RB1: variants seen among roughly 807,000 people sequenced by gnomAD.
The protein encoded by RB1 is RB transcriptional corepressor 1, also known as retinoblastoma-associated protein.
A neutral mutation model predicts 135.4 loss-of-function variants in RB1; 18 were observed. The observed-to-expected ratio is 0.13, with a 90% confidence interval of 0.09 to 0.20. The LOEUF (loss-of-function observed/expected upper bound fraction) is 0.20, where lower values mean the gene tolerates loss of function less well. Ranked by LOEUF, RB1 falls within the 10% of genes least tolerant of loss-of-function variation. The pLI is 1.00. For missense variants in RB1, 868 were observed against 1,110.0 expected, an observed-to-expected ratio of 0.78 and a Z score of 3.10; for synonymous variants, 365 against 373.2, an observed-to-expected ratio of 0.98 and a Z score of 0.25.
intron 17 of RB1, among the ~76,000 whole-genome samples, chr13:48,425,298 A>C (rs1949063829): frequency 6.6e-6 from 1 of 152,222 alleles, no homozygotes; most frequent in Non-Finnish European, 1.5e-5. Context: ...TTTCTCATCC[A>C]AAAACACAGA....
chr13:48,377,104 G>T, intron 13 of RB1, 70 bp downstream of exon 13: 1 of 1,436,884 alleles, frequency 7.0e-7, no homozygotes, highest in Non-Finnish European at 9.8e-7. Flanking sequence ...TTTCCAGTTC[G>T]TATAAATACT....
intron 17 of RB1, among the ~76,000 whole-genome samples, chr13:48,415,192 T>C (rs991842587): frequency 2.6e-5 from 4 of 152,184 alleles, no homozygotes; most frequent in African/African-American, 9.6e-5. Context: ...TTAATTCTAC[T>C]TGGAATATTT....
chr13:48,329,166 T>A (rs1330476139), intron 2 of RB1, among the ~76,000 whole-genome samples: 1 of 152,218 alleles, frequency 6.6e-6, no homozygotes, highest in African/African-American at 2.4e-5. Flanking sequence ...GAATATAAAA[T>A]AAACATTTCT....
chr13:48,444,592 G>C (rs930597645), intron 17 of RB1: 1 of 152,314 alleles, frequency 6.6e-6, no homozygotes, highest in Non-Finnish European at 1.5e-5. Context: ...TACAGATGAG[G>C]AGATGCGTAG....
intron 26 of RB1, 128 bp from the exon 27 acceptor site, chr13:48,479,870 A>G (rs1265697797): frequency 1.4e-6 from 1 of 724,064 alleles, no homozygotes; most frequent in Non-Finnish European, 2.5e-6. Flanking sequence ...AAATACTAGA[A>G]TGAAGACCAC....
At chr13:48,476,574 G>A (rs1281813909) in intron 24 of RB1, 127 bp from the exon 25 acceptor site, 1 of 951,162 alleles carries the variant, frequency 1.1e-6, no homozygotes, top group Non-Finnish European at 1.6e-6. Context: ...GTCCAATGAA[G>A]CAGAAAATTT....
chr13:48,343,371 CT>C (rs1222931731), intron 3 of RB1, among the ~76,000 whole-genome samples: 14 of 152,038 alleles, frequency 9.2e-5, no homozygotes, highest in Non-Finnish European at 1.5e-5. Flanking sequence ...AATTATGTTT[CT>C]CCTTGAACAA....
At chr13:48,418,273 G>T (rs1246565866) in intron 17 of RB1, among the ~76,000 whole-genome samples, 1 of 151,944 alleles carries the variant, frequency 6.6e-6, no homozygotes, top group Non-Finnish European at 1.5e-5. Context: ...TTTGTATCCA[G>T]CCAAACTAAG....
Position 48,381,365 on chromosome 13 carries a change from A to G in RB1, c.1617A>G (p.Glu539=). 5.0e-6 allele frequency: 8 copies of G among 1,612,440 alleles called. No individual in the cohort carries two copies. The highest frequency in any genetic ancestry group is 6.8e-6 in the Non-Finnish European group (8 of 1,179,146). ...YKVIESFIKA[E]GNLTREMIKH... Reference sequence around the variant, plus strand: ...TGATCGAAAGTTTTATCAAAGCAGAAGGCAACTTGACAAGAGAAATGATAA... The same window carrying G: ...TGATCGAAAGTTTTATCAAAGCAGAGGGCAACTTGACAAGAGAAATGATAA... The change falls in exon 17 of 27, where the codon GAA becomes GAG. Residue 539 remains glutamate (E), a synonymous_variant. Transcript: ENST00000267163.
chr13:48,328,260 C>G, intron 2 of RB1: 1 of 1,548,816 alleles, frequency 6.5e-7, no homozygotes, highest in Non-Finnish European at 8.9e-7. Context: ...CTCTGATTCA[C>G]TATCTTCATC....
intron 2 of RB1, among the ~76,000 whole-genome samples, chr13:48,321,158 C>G (rs1056512471): frequency 1.3e-5 from 2 of 152,114 alleles, no homozygotes. Flanking sequence ...TTGCGTCCCG[C>G]GTCCCGCATC....
At chr13:48,351,931 C>T (rs1173110338) in intron 6 of RB1, among the ~76,000 whole-genome samples, 2 of 152,138 alleles carry the variant, frequency 1.3e-5, no homozygotes, top group African/African-American at 2.4e-5. Flanking sequence ...ACCTCAGCCT[C>T]CCAAAGTGCT....
chr13:48,481,758 T>C lies in RB1; in HGVS notation c.*1687T>C, dbSNP rs4151635. The C allele has an allele frequency of 0.01, 2,396 of 229,650 alleles. 61 individuals are homozygous for C. Among genetic ancestry groups the C allele is most frequent in the African/African-American group, 0.048 (2,189 of 45,258 alleles). 14.2% of individuals were successfully genotyped at this position (229,650 alleles called of 1,614,324 possible). ...AGATCGTGTATTGAGATTTCTTAAATAATGCTTCAGATATTATTGCTTTAT... is the reference window on the plus strand; with the variant it reads ...AGATCGTGTATTGAGATTTCTTAAACAATGCTTCAGATATTATTGCTTTAT... On this transcript the variant is annotated 3_prime_UTR_variant, in exon 27 of 27. Transcript: ENST00000267163.
rs794727138 is a variant in RB1, at chr13:48,380,036, T to A, written c.1390-17T>A. On this transcript the variant is annotated splice_polypyrimidine_tract_variant and intron_variant, in intron 14 of 26. Coordinates refer to ENST00000267163, the MANE Select transcript of RB1 (RefSeq NM_000321.3). Reference sequence around the variant, plus strand: ...ATTAAACAACTTCTTTTTTTTTTTTTAAATTATCTGTTTCAGGAAGAAGAA... The same window carrying A: ...ATTAAACAACTTCTTTTTTTTTTTTAAAATTATCTGTTTCAGGAAGAAGAA... The A allele has an allele frequency of 1.1e-4, 137 of 1,277,350 alleles. No individual in the cohort carries two copies. Among genetic ancestry groups the A allele is most frequent in the Middle Eastern group, 2.8e-4 (1 of 3,582 alleles). The allele number at this position is 1,277,350 out of a possible 1,614,324, so 79.1% of individuals were successfully genotyped here.
chr13:48,378,580 C>CTT (rs78361349), intron 13 of RB1, among the ~76,000 whole-genome samples: 286 of 142,914 alleles, frequency 2.0e-3, no homozygotes, highest in African/African-American at 6.8e-3. Context: ...TTACATTTAA[C>CTT]TTTTTTTTTT....
At chr13:48,455,052 A>G (rs1949351729) in intron 18 of RB1, among the ~76,000 whole-genome samples, 1 of 152,212 alleles carries the variant, frequency 6.6e-6, no homozygotes, top group African/African-American at 2.4e-5. Context: ...TCTGTAGTTC[A>G]GATGAGGGAT....
intron 11 of RB1, among the ~76,000 whole-genome samples, chr13:48,368,860 GC>G (rs1952730746): frequency 6.6e-6 from 1 of 152,132 alleles, no homozygotes; most frequent in Non-Finnish European, 1.5e-5. Flanking sequence ...ACAAAAATTA[GC>G]TGGGGGTGGT....
chr13:48,323,446 A>G (rs1466510277), intron 2 of RB1, among the ~76,000 whole-genome samples: 5 of 151,630 alleles, frequency 3.3e-5, no homozygotes, highest in East Asian at 1.9e-4. Flanking sequence ...AAGTTTCTCA[A>G]TGTTGGTGAT....
chr13:48,403,859 A>AT (rs1452731709), intron 17 of RB1, among the ~76,000 whole-genome samples: 1 of 152,130 alleles, frequency 6.6e-6, no homozygotes, highest in Non-Finnish European at 1.5e-5. Context: ...GCCTATGAGA[A>AT]TAAAAAAAAT....
Sources: allele counts gnomAD v4.1 joint callset (sites outside exome capture counted in the v4.1 genomes callset), GRCh38; gene constraint gnomAD v4.1.1; transcripts MANE v1.5; gene names NCBI Gene and HGNC (gene_info 2026-07-23, HGNC 2026-07-21).